The following RB1 variants were observed in gnomAD, a reference collection of about 807,000 sequenced individuals.
RB1 encodes retinoblastoma-associated protein.
In RB1, 18 loss-of-function variants were observed where a neutral mutation model predicts 135.4. The ratio of observed to expected loss-of-function variants is 0.13; its 90% CI spans 0.09 to 0.20. The LOEUF (loss-of-function observed/expected upper bound fraction) is 0.20. Ranked by LOEUF, RB1 falls within the 10% of genes least tolerant of loss-of-function variation. RB1 has a pLI of 1.00. For missense variants in RB1, 868 were observed against 1,110.0 expected, an observed-to-expected ratio of 0.78 and a Z score of 3.10; for synonymous variants, 365 against 373.2, an observed-to-expected ratio of 0.98 and a Z score of 0.25.
In RB1 at chr13:48,417,513, C is replaced by A. The variant is rs1948933286; in HGVS notation, c.1696-35480C>A. ...GCTGACAATTCCAAAAACCAGAATG[C>A]CTTTTCTCTTCCAAAGAATCACAAC... On this transcript the variant is annotated intron_variant, in intron 17 of 26. Transcript: ENST00000267163. 2.0e-5 allele frequency among the ~76,000 whole-genome samples: 3 copies of A among 152,118 alleles called. No homozygotes were observed. The South Asian group carries it at 6.2e-4, about 32-fold the overall frequency.
chr13:48,330,958 A>C (rs1303676899), intron 2 of RB1, among the ~76,000 whole-genome samples: 6 of 152,236 alleles, frequency 3.9e-5, no homozygotes, highest in Non-Finnish European at 8.8e-5. Context: ...AATTGGATTT[A>C]TCTCTGGGAT....
chr13:48,472,667 G>T (rs543606149), intron 23 of RB1, among the ~76,000 whole-genome samples: 47 of 152,184 alleles, frequency 3.1e-4, no homozygotes, highest in Non-Finnish European at 5.3e-4. Context: ...GGCATTAGGA[G>T]AGCATCTTAA....
At chr13:48,394,910 G>T (rs920511251) in intron 17 of RB1, among the ~76,000 whole-genome samples, 6 of 152,342 alleles carry the variant, frequency 3.9e-5, no homozygotes, top group Admixed American at 3.3e-4. Flanking sequence ...GGGACAGACT[G>T]TCTCCTCAAG....
rs539198107 is a variant in RB1, at chr13:48,447,349, T to C, written c.1696-5644T>C. On this transcript the variant is annotated intron_variant, in intron 17 of 26. Transcript: ENST00000267163. ...CTTCTGAAATACTCCTTCAAGGCTA[T>C]TTAGTATCTGACAAATGGAGCATTG... Among the ~76,000 whole-genome samples, 5 of 152,296 alleles carry C rather than the reference T, an allele frequency of 3.3e-5. No individual in the cohort carries two copies. In the South Asian group the frequency reaches 6.2e-4, roughly 19 times the overall value.
At chr13:48,363,961 T>TA (rs1246823348) in intron 8 of RB1, among the ~76,000 whole-genome samples, 1 of 152,170 alleles carries the variant, frequency 6.6e-6, no homozygotes, top group East Asian at 1.9e-4. Context: ...CAGATAGCAG[T>TA]AAAAAATGTT....
At chr13:48,411,570 C>A (rs148717423) in intron 17 of RB1, 2 of 1,613,620 alleles carry the variant, frequency 1.2e-6, no homozygotes, top group Non-Finnish European at 1.7e-6. Flanking sequence ...AGGGTCAAAA[C>A]AACAGTTGGA....
intron 7 of RB1, 102 bp downstream of exon 7, chr13:48,360,229 AAAAT>A (rs2138108326): frequency 6.4e-7 from 1 of 1,556,214 alleles, no homozygotes; most frequent in Admixed American, 1.9e-5. Flanking sequence ...AGGATGATAA[AAAAT>A]AAATCAGACA....
intron 17 of RB1, among the ~76,000 whole-genome samples, chr13:48,432,180 G>A (rs1278915692): frequency 6.6e-6 from 1 of 152,086 alleles, no homozygotes; most frequent in Non-Finnish European, 1.5e-5. Flanking sequence ...AAGAAGTGAA[G>A]GAATGAATCA....
Position 48,479,978 on chromosome 13 carries a change from GTTC to G in RB1, c.2714-16_2714-14del, listed in dbSNP as rs1166364896. The G allele has an allele frequency of 2.5e-6, 4 of 1,607,166 alleles. No homozygotes were observed. Among genetic ancestry groups the G allele is most frequent in the Non-Finnish European group, 2.6e-6 (3 of 1,174,738 alleles). ...CCCAGTACCATCAATGCTGTTAACAGTTCTTCATCCTTTTTCCAGCTTCTACTC... is the reference window on the plus strand; with the variant it reads ...CCCAGTACCATCAATGCTGTTAACAGTTCATCCTTTTTCCAGCTTCTACTC... On this transcript the variant is annotated splice_polypyrimidine_tract_variant and intron_variant, in intron 26 of 26. Transcript: ENST00000267163.
At chr13:48,417,381 A>C (rs981387607) in intron 17 of RB1, 2 of 152,248 alleles carry the variant, frequency 1.3e-5, no homozygotes, top group Non-Finnish European at 2.9e-5. Context: ...AATAGCATCA[A>C]TATCAACAAA....
intron 17 of RB1, among the ~76,000 whole-genome samples, chr13:48,433,682 A>T (rs1268812525): frequency 3.4e-5 from 5 of 147,136 alleles, no homozygotes; most frequent in African/African-American, 5.0e-5. Flanking sequence ...ACAAAAATGC[A>T]TTTTTTTTTT....
intron 2 of RB1, among the ~76,000 whole-genome samples, chr13:48,320,916 C>A (rs1177886257): frequency 6.6e-6 from 1 of 152,034 alleles, no homozygotes; most frequent in Non-Finnish European, 1.5e-5. Context: ...AAAAGGACGA[C>A]GACTATAAAC....
At chr13:48,328,359 A>G (rs1321891388) in intron 2 of RB1, 24 of 1,548,894 alleles carry the variant, frequency 1.5e-5, no homozygotes, top group Non-Finnish European at 2.1e-5. Flanking sequence ...TTTGATGGAT[A>G]TGGGTGATGC....
chr13:48,318,358 A>T (rs1952204216), intron 2 of RB1: 1 of 1,442,422 alleles, frequency 6.9e-7, no homozygotes, highest in African/African-American at 1.4e-5. Context: ...GGTTCCCTGC[A>T]CCTCTTCTTG....
intron 17 of RB1, among the ~76,000 whole-genome samples, chr13:48,389,175 AAAATT>A (rs1485528269): frequency 9.9e-5 from 15 of 151,676 alleles, no homozygotes; most frequent in South Asian, 2.1e-4. Flanking sequence ...AAAATAAAAT[AAAATT>A]AAATTAAATT....
rs1949535890 is a variant in RB1, at chr13:48,481,057, AT to A, written c.*989del. 1 of 229,682 alleles carries A rather than the reference AT, an allele frequency of 4.4e-6. No homozygotes were observed. The highest frequency in any genetic ancestry group is 8.6e-6 in the Non-Finnish European group (1 of 115,776). The allele number at this position is 229,682 out of a possible 1,614,324, so 14.2% of individuals were successfully genotyped here. ...GAGCCTTAATTTTTTTTTCATAGAG[AT>A]TTGTCTAATTGCATCTCAAAATTAT... is the stretch of plus-strand genomic sequence containing the variant. On this transcript the variant is annotated 3_prime_UTR_variant, in exon 27 of 27. Coordinates refer to ENST00000267163, the MANE Select transcript of RB1 (RefSeq NM_000321.3).
chr13:48,335,859 T>A (rs1952380327), intron 2 of RB1, among the ~76,000 whole-genome samples: 1 of 151,926 alleles, frequency 6.6e-6, no homozygotes, highest in Admixed American at 6.6e-5. Context: ...CAGAATGAGA[T>A]ATGAGAATCA....
chr13:48,405,632 G>T (rs2138187565), intron 17 of RB1, among the ~76,000 whole-genome samples: 1 of 152,280 alleles, frequency 6.6e-6, no homozygotes, highest in South Asian at 2.1e-4. Context: ...AGTAGAGCCT[G>T]CAAACCGAAA....
At chr13:48,451,835 G>T (rs1197243045) in intron 17 of RB1, among the ~76,000 whole-genome samples, 2 of 151,308 alleles carry the variant, frequency 1.3e-5, no homozygotes, top group African/African-American at 4.9e-5. Context: ...TCCTAGTTCA[G>T]TCTTGGGAGG....
Sources: allele counts gnomAD v4.1 joint callset (sites outside exome capture counted in the v4.1 genomes callset), GRCh38; gene constraint gnomAD v4.1.1; transcripts MANE v1.5; gene names NCBI Gene and HGNC (gene_info 2026-07-23, HGNC 2026-07-21).